The following PIAS1 variants were observed in gnomAD, a reference collection of about 807,000 sequenced individuals.
PIAS1 encodes the protein protein inhibitor of activated STAT 1.
Under a neutral mutation model 71.3 loss-of-function variants are expected in PIAS1, and 6 were observed. The ratio of observed to expected loss-of-function variants is 0.08; its 90% confidence interval spans 0.05 to 0.17. The LOEUF (loss-of-function observed/expected upper bound fraction) is 0.17, where lower values mean the gene tolerates loss of function less well. PIAS1 is among the 10% of genes least tolerant of loss of function. The probability of loss-of-function intolerance (pLI) is 1.00; values close to 1 mark genes in which losing one functional copy is unlikely to be tolerated. For synonymous variants in PIAS1, 303 were observed against 292.9 expected (o/e 1.03, Z -0.35); for missense variants, 555 against 793.6 (o/e 0.70, Z 3.61).
At chr15:68,113,808 G>C (rs1353742298) in intron 2 of PIAS1, among the ~76,000 whole-genome samples, 1 of 152,108 alleles carries the variant, frequency 6.6e-6, no homozygotes, top group African/African-American at 2.4e-5. Context: ...GGGTTTTACA[G>C]TGCTAAAGTT....
intron 2 of PIAS1, among the ~76,000 whole-genome samples, chr15:68,101,153 A>G (rs796267311): frequency 3.3e-5 from 5 of 149,542 alleles, no homozygotes; most frequent in East Asian, 2.0e-4. Flanking sequence ...TCTCCCCTCA[A>G]CCTCCCAAAG....
chr15:68,068,401 A>G (rs2092053205), intron 1 of PIAS1, among the ~76,000 whole-genome samples: 1 of 152,120 alleles, frequency 6.6e-6, no homozygotes, highest in African/African-American at 2.4e-5. Flanking sequence ...ACATCTGGTG[A>G]TGTTTGTGGA....
chr15:68,127,338 T>C (rs7180355), intron 2 of PIAS1, among the ~76,000 whole-genome samples: 152,290 of 152,310 alleles, frequency 1, 76,135 homozygotes, highest in Non-Finnish European at 1. Flanking sequence ...GGCAGTTGTC[T>C]AGCTAACTAG....
At chr15:68,145,976 G>C in intron 5 of PIAS1, 70 bp downstream of exon 5, 1 of 908,140 alleles carries the variant, frequency 1.1e-6, no homozygotes. Context: ...CACAACTGTT[G>C]TTAAATCATA....
intron 1 of PIAS1, among the ~76,000 whole-genome samples, chr15:68,066,411 A>G (rs539490771): frequency 6.6e-5 from 10 of 152,252 alleles, no homozygotes; most frequent in African/African-American, 2.4e-4. Flanking sequence ...GCCTGGCCTG[A>G]TTGCTTTTTC....
chr15:68,124,718 T>TCAAACAAA (rs148167122), intron 2 of PIAS1, among the ~76,000 whole-genome samples: 9 of 151,710 alleles, frequency 5.9e-5, no homozygotes, highest in Non-Finnish European at 1.2e-4. Flanking sequence ...AGACTCTGGC[T>TCAAACAAA]CAAACAAACA....
intron 2 of PIAS1, among the ~76,000 whole-genome samples, chr15:68,136,854 G>A (rs2141040850): frequency 6.6e-6 from 1 of 152,198 alleles, no homozygotes; most frequent in South Asian, 2.1e-4. Flanking sequence ...AATTTCCAGG[G>A]TTTTAATATT....
chr15:68,063,000 T>C (rs948337012), intron 1 of PIAS1, among the ~76,000 whole-genome samples: 2 of 151,102 alleles, frequency 1.3e-5, no homozygotes, highest in East Asian at 3.9e-4. Context: ...AACAACTTGT[T>C]TTGATGGTTT....
At chr15:68,110,638 T>C (rs1327556858) in intron 2 of PIAS1, among the ~76,000 whole-genome samples, 1 of 151,952 alleles carries the variant, frequency 6.6e-6, no homozygotes, top group African/African-American at 2.4e-5. Flanking sequence ...GGTGCGTGCC[T>C]GTAGTCCCAC....
chr15:68,111,066 C>T (rs553194876), intron 2 of PIAS1, among the ~76,000 whole-genome samples: 31 of 152,272 alleles, frequency 2.0e-4, no homozygotes, highest in African/African-American at 7.0e-4. Context: ...TGGTTATCTG[C>T]TCTTAGTCCC....
intron 2 of PIAS1, among the ~76,000 whole-genome samples, chr15:68,115,849 T>G (rs74020052): frequency 0.021 from 3,219 of 152,218 alleles, 109 homozygotes; most frequent in African/African-American, 0.072. Context: ...TTTTGAATGG[T>G]GAACCAGCCT....
chr15:68,068,552 A>G (rs1270077572), intron 1 of PIAS1, among the ~76,000 whole-genome samples: 1 of 151,998 alleles, frequency 6.6e-6, no homozygotes, highest in Non-Finnish European at 1.5e-5. Context: ...TCCTGGGTTC[A>G]AGTGATTCTC....
At chr15:68,074,911 CTGTT>C (rs1183167862) in intron 1 of PIAS1, among the ~76,000 whole-genome samples, 4 of 149,500 alleles carry the variant, frequency 2.7e-5, no homozygotes, top group South Asian at 4.2e-4. Flanking sequence ...AAAGTATAGT[CTGTT>C]TGGGTTTTTA....
intron 7 of PIAS1, among the ~76,000 whole-genome samples, chr15:68,158,198 G>A (rs1446806489): frequency 6.6e-6 from 1 of 152,048 alleles, no homozygotes; most frequent in Non-Finnish European, 1.5e-5. Flanking sequence ...ACTTTCCAGG[G>A]TCGCCTGTAT....
chr15:68,119,765 G>A (rs2141018688), intron 2 of PIAS1, among the ~76,000 whole-genome samples: 1 of 152,276 alleles, frequency 6.6e-6, no homozygotes, highest in Admixed American at 6.5e-5. Context: ...AGAGAGGGAT[G>A]TTAAAATCTT....
chr15:68,151,538 A>G (rs2092843667), intron 6 of PIAS1, among the ~76,000 whole-genome samples: 1 of 152,010 alleles, frequency 6.6e-6, no homozygotes, highest in African/African-American at 2.4e-5. Context: ...GAAGCTTTCC[A>G]GTTGGGCCTG....
chr15:68,192,411 C>T lies in PIAS1; in HGVS notation c.*4576C>T, dbSNP rs576539284. The T allele has an allele frequency of 6.6e-6, 1 of 152,314 alleles. No homozygotes were observed. Among genetic ancestry groups the T allele is most frequent in the East Asian group, 1.9e-4 (1 of 5,192 alleles). The allele number at this position is 152,314 out of a possible 1,614,324, so 9.4% of individuals were successfully genotyped here. A position where few individuals can be genotyped will look rare whatever the true frequency, so the allele number is the denominator to read the frequency against. On this transcript the variant is annotated 3_prime_UTR_variant, in exon 14 of 14. Transcript: ENST00000249636. ...TCTTAAGGCAGCCAAATCTCGTAAA[C>T]CTCAGACCCCACAAAACATCTGCTC...
chr15:68,092,811 G>T (rs2092344060), intron 2 of PIAS1, among the ~76,000 whole-genome samples: 1 of 152,206 alleles, frequency 6.6e-6, no homozygotes, highest in Admixed American at 6.5e-5. Flanking sequence ...CAGATGCCTT[G>T]ATCTTGGACT....
chr15:68,193,264 A>T lies in PIAS1; in HGVS notation c.*5429A>T, dbSNP rs2093128665. The stretch of plus-strand genomic sequence containing the variant: ...GCTCTGCAAGGCCAGTCAATTTAGC[A>T]GCTCACATCTGGTTTCCTTTGGTGT... On this transcript the variant is annotated 3_prime_UTR_variant, in exon 14 of 14. Coordinates refer to ENST00000249636, the MANE Select transcript of PIAS1 (RefSeq NM_016166.3). The T allele has an allele frequency of 1.3e-5, 2 of 152,250 alleles. No individual in the cohort carries two copies. Among genetic ancestry groups the T allele is most frequent in the South Asian group, 4.1e-4 (2 of 4,826 alleles). 9.4% of individuals were successfully genotyped at this position (152,250 alleles called of 1,614,324 possible). A position where few individuals can be genotyped will look rare whatever the true frequency, so the allele number is the denominator to read the frequency against.
Sources: gnomAD v4.1 joint callset for allele counts (sites outside exome capture counted in the v4.1 genomes callset) on GRCh38, gnomAD v4.1.1 for gene constraint, MANE v1.5 for transcripts, NCBI Gene and HGNC (gene_info 2026-07-23, HGNC 2026-07-21) for gene names.